LMF1: variants seen among roughly 807,000 people sequenced by gnomAD.
The protein encoded by LMF1 is transmembrane protein 112.
Under a neutral mutation model 60.6 loss-of-function variants are expected in LMF1, and 68 were observed. That is an observed-to-expected ratio of 1.12 (90% confidence interval 0.92 to 1.37). The LOEUF (loss-of-function observed/expected upper bound fraction) is 1.37. Ranked by LOEUF, LMF1 falls within the 40% of genes most tolerant of loss-of-function variation. The pLI is 0.00. For synonymous variants in LMF1, 418 were observed against 324.7 expected, an observed-to-expected ratio of 1.29 and a Z score of -3.09; for missense variants, 948 against 767.2, an observed-to-expected ratio of 1.24 and a Z score of -2.78.
At chr16:887,547 G>T (rs571911156) in intron 5 of LMF1, among the ~76,000 whole-genome samples, 1 of 152,288 alleles carries the variant, frequency 6.6e-6, no homozygotes, top group African/African-American at 2.4e-5. Context: ...CCATGTCCCT[G>T]GGGGGCGTCC....
intron 3 of LMF1, among the ~76,000 whole-genome samples, chr16:926,102 C>T (rs776432602): frequency 2.0e-5 from 3 of 151,534 alleles, no homozygotes; most frequent in Admixed American, 6.6e-5. Context: ...CATGTGTGCA[C>T]GTTTGCATAT....
chr16:898,571 T>C (rs1324868098), intron 4 of LMF1, among the ~76,000 whole-genome samples: 1 of 152,204 alleles, frequency 6.6e-6, no homozygotes, highest in African/African-American at 2.4e-5. Flanking sequence ...CCAGGCCGTG[T>C]AGGGGCCAGG....
intron 3 of LMF1, among the ~76,000 whole-genome samples, chr16:927,305 C>T (rs1028585808): frequency 6.6e-6 from 1 of 152,240 alleles, no homozygotes. Context: ...AGACCAGAGA[C>T]ACGCAGGACC....
intron 3 of LMF1, among the ~76,000 whole-genome samples, chr16:924,512 T>C (rs927702606): frequency 6.6e-6 from 1 of 152,176 alleles, no homozygotes; most frequent in African/African-American, 2.4e-5. Context: ...ACCCTGAGCA[T>C]GTGGCATTTT....
chr16:900,704 T>TG (rs2070785968), intron 4 of LMF1: 1 of 150,034 alleles, frequency 6.7e-6, no homozygotes, highest in African/African-American at 2.5e-5. Flanking sequence ...TGTGTGTGTG[T>TG]GTGTGTGTGT....
intron 2 of LMF1, among the ~76,000 whole-genome samples, chr16:937,508 G>A (rs1045144579): frequency 3.4e-5 from 5 of 148,380 alleles, no homozygotes; most frequent in African/African-American, 9.7e-5. Flanking sequence ...GGCTGCTGGG[G>A]TCTCTGTTGA....
chr16:930,695 G>A (rs1198598803), intron 3 of LMF1, among the ~76,000 whole-genome samples: 3 of 152,244 alleles, frequency 2.0e-5, no homozygotes, highest in African/African-American at 7.2e-5. Flanking sequence ...GGCGGGTCCC[G>A]CTCACACCCA....
chr16:875,116 G>A (rs371908184), intron 6 of LMF1, among the ~76,000 whole-genome samples: 12 of 152,146 alleles, frequency 7.9e-5, no homozygotes, highest in Non-Finnish European at 1.5e-4. Flanking sequence ...AGAGGATGAC[G>A]CAGCCTGACC....
At chr16:934,517 T>C (rs1254089904) in intron 2 of LMF1, 5 of 502,600 alleles carry the variant, frequency 9.9e-6, no homozygotes, top group African/African-American at 1.9e-5. Flanking sequence ...AAAATATGTA[T>C]TTTGCGAATG....
chr16:881,211 C>A lies in LMF1; in HGVS notation c.730-1474G>T, dbSNP rs986114671. Among the ~76,000 whole-genome samples the A allele has an allele frequency of 2.0e-5, 3 of 152,084 alleles. No individual in the cohort carries two copies. The East Asian group carries it at 5.8e-4, about 29-fold the overall frequency. On this transcript the variant is annotated intron_variant, in intron 5 of 10. Transcript: ENST00000262301. ...CCATGTGCACACCCGAGGGGGTGACCGGGCACAGGGCCCCAGTGCACCCCA... is the reference window on the plus strand; with the variant it reads ...CCATGTGCACACCCGAGGGGGTGACAGGGCACAGGGCCCCAGTGCACCCCA...
chr16:955,150 C>G (rs377326203), intron 1 of LMF1, among the ~76,000 whole-genome samples: 1 of 105,674 alleles, frequency 9.5e-6, no homozygotes, highest in Admixed American at 1.0e-4. Context: ...ACATAAAATG[C>G]GTGCCTGCAG....
intron 6 of LMF1, chr16:872,644 G>A (rs2069833380): frequency 6.6e-6 from 1 of 152,386 alleles, no homozygotes; most frequent in Non-Finnish European, 1.5e-5. Flanking sequence ...GTGGCTGGGA[G>A]CCCCTGAGCT....
intron 4 of LMF1, among the ~76,000 whole-genome samples, chr16:908,012 C>T (rs908635332): frequency 9.2e-5 from 14 of 152,194 alleles, no homozygotes; most frequent in African/African-American, 2.4e-4. Context: ...GGCTCCTCTG[C>T]GGGGCCGGCT....
At chr16:868,677 G>A (rs932546289) in intron 10 of LMF1, among the ~76,000 whole-genome samples, 1 of 151,520 alleles carries the variant, frequency 6.6e-6, no homozygotes, top group African/African-American at 2.4e-5. Context: ...ACCCTGCCCA[G>A]AGCAGCTGTC....
At chr16:904,317 C>G (rs2070911566) in intron 4 of LMF1, among the ~76,000 whole-genome samples, 2 of 124,836 alleles carry the variant, frequency 1.6e-5, no homozygotes, top group Non-Finnish European at 1.7e-5. Context: ...TGTGGGGACG[C>G]CTGTCTCTGC....
At chr16:857,560 C>T (rs1267369887) in intron 10 of LMF1, among the ~76,000 whole-genome samples, 1 of 84,122 alleles carries the variant, frequency 1.2e-5, no homozygotes, top group African/African-American at 6.4e-5. Context: ...TGTCACGGGA[C>T]GGGTGTGAGT....
intron 2 of LMF1, among the ~76,000 whole-genome samples, chr16:948,350 TGACAGAGTCAGAGCCAAC>T (rs2072307637): frequency 3.0e-5 from 3 of 99,654 alleles, no homozygotes; most frequent in South Asian, 3.1e-4. Flanking sequence ...TCAGAGCCAA[TGACAGAGTCAGAGCCAAC>T]GACAGAGTCA....
chr16:855,013 C>T, intron 10 of LMF1: 1 of 484,808 alleles, frequency 2.1e-6, no homozygotes, highest in Non-Finnish European at 3.8e-6. Flanking sequence ...CCAGGAGCTT[C>T]ACGGGTGGCA....
At chr16:963,052 G>C (rs958107388) in intron 1 of LMF1, among the ~76,000 whole-genome samples, 1 of 151,986 alleles carries the variant, frequency 6.6e-6, no homozygotes, top group Admixed American at 6.6e-5. Flanking sequence ...GACACAGGCG[G>C]GCACGGGATG....
Sources: gnomAD v4.1 joint callset for allele counts (sites outside exome capture counted in the v4.1 genomes callset) on GRCh38, gnomAD v4.1.1 for gene constraint, MANE v1.5 for transcripts, NCBI Gene and HGNC (gene_info 2026-07-23, HGNC 2026-07-21) for gene names.